The following PCBP3 variants were observed in gnomAD, a reference collection of about 807,000 sequenced individuals.
PCBP3 encodes poly(rC)-binding protein 3.
In PCBP3, 25 loss-of-function variants were observed where a neutral mutation model predicts 52.7. The ratio of observed to expected loss-of-function variants is 0.47; its 90% confidence interval spans 0.35 to 0.66. PCBP3 has a LOEUF of 0.66. Among genes scored for constraint, PCBP3 ranks in the 30% least tolerant of loss-of-function variants. PCBP3 has a pLI of 0.01. For missense variants in PCBP3, 391 were observed against 490.3 expected, an observed-to-expected ratio of 0.80 and a Z score of 1.91; for synonymous variants, 162 against 183.0, an observed-to-expected ratio of 0.89 and a Z score of 0.93.
chr21:45,867,852 C>T (rs963506723), intron 5 of PCBP3, among the ~76,000 whole-genome samples: 1 of 152,292 alleles, frequency 6.6e-6, no homozygotes, highest in African/African-American at 2.4e-5. Context: ...GGACCAGGCT[C>T]ACGCCGTGGA....
chr21:45,706,886 T>C (rs11089019), intron 2 of PCBP3, among the ~76,000 whole-genome samples: 23,511 of 152,230 alleles, frequency 0.15, 2,020 homozygotes, highest in African/African-American at 0.22. Context: ...AATATTTCTC[T>C]CTGCAACTTG....
At chr21:45,671,884 C>T (rs2081196086) in intron 2 of PCBP3, among the ~76,000 whole-genome samples, 1 of 152,066 alleles carries the variant, frequency 6.6e-6, no homozygotes, top group Non-Finnish European at 1.5e-5. Flanking sequence ...CTGATTCTTT[C>T]ACCTTCTATT....
intron 2 of PCBP3, among the ~76,000 whole-genome samples, chr21:45,693,937 T>C (rs1027555936): frequency 2.0e-5 from 3 of 152,124 alleles, no homozygotes; most frequent in Admixed American, 6.5e-5. Flanking sequence ...ATCTATAACA[T>C]GTAAAAATAT....
rs1415364088 is a variant in PCBP3 at position 45,724,715 on chromosome 21, C to A, written c.-199-10677C>A. Among the ~76,000 whole-genome samples the A allele has an allele frequency of 4.6e-5, 7 of 151,720 alleles. No individual in the cohort carries two copies. In the East Asian group the frequency reaches 1.4e-3, roughly 29 times the overall value. On this transcript the variant is annotated intron_variant, in intron 2 of 17. Transcript: ENST00000681687. The surrounding 1 kb of genome is among the most constrained non-coding windows in gnomAD (Gnocchi z 5.3). ...TGGGATCTGAAAGAGAACCCGCCCCCCTCAGCTGGAGTGGCACTCTGTAAC... is the reference window on the plus strand; with the variant it reads ...TGGGATCTGAAAGAGAACCCGCCCCACTCAGCTGGAGTGGCACTCTGTAAC...
rs2093432112 is a variant in PCBP3, at chr21:45,830,958, G to GA, written c.-125-19003_-125-19002insA. On this transcript the variant is annotated intron_variant, in intron 4 of 17. Coordinates refer to ENST00000681687, the MANE Select transcript of PCBP3 (RefSeq NM_001384156.1). This position sits in a 1 kb window ranked among gnomAD's most constrained non-coding sequence, Gnocchi z 4.4. The stretch of plus-strand genomic sequence containing the variant: ...CTCCCGGGCTCTTGGCAGCTTCCCG[G>GA]CCGGCAGCAGTCCCCACGCTGCCCA... 1 of 152,318 alleles carries GA rather than the reference G, an allele frequency of 6.6e-6. No individual in the cohort carries two copies. Among genetic ancestry groups the GA allele is most frequent in the Admixed American group, 6.5e-5 (1 of 15,288 alleles). 9.4% of individuals were successfully genotyped at this position (152,318 alleles called of 1,614,324 possible).
chr21:45,694,263 A>G (rs2082643155), intron 2 of PCBP3, among the ~76,000 whole-genome samples: 1 of 152,192 alleles, frequency 6.6e-6, no homozygotes, highest in Admixed American at 6.5e-5. Context: ...ATGCAAATAG[A>G]TTAAACACTC....
chr21:45,902,144 G>C (rs2096071883), intron 9 of PCBP3, among the ~76,000 whole-genome samples: 1 of 152,200 alleles, frequency 6.6e-6, no homozygotes, highest in Non-Finnish European at 1.5e-5. Flanking sequence ...AGGAGTGTGC[G>C]AGGCCTTTTC....
At chr21:45,689,155 G>T (rs977290436) in intron 2 of PCBP3, among the ~76,000 whole-genome samples, 1 of 151,816 alleles carries the variant, frequency 6.6e-6, no homozygotes, top group Non-Finnish European at 1.5e-5. Context: ...TTTAACTCAG[G>T]ATCATAGATA....
intron 4 of PCBP3, among the ~76,000 whole-genome samples, chr21:45,810,246 G>GTGTGT (rs1569252728): frequency 1.3e-5 from 2 of 149,366 alleles, no homozygotes; most frequent in African/African-American, 2.5e-5. Context: ...GTGTGTGTGT[G>GTGTGT]AGAGAGTGTG....
At chr21:45,820,479 G>A (rs2093100079) in intron 4 of PCBP3, among the ~76,000 whole-genome samples, 1 of 152,256 alleles carries the variant, frequency 6.6e-6, no homozygotes, top group African/African-American at 2.4e-5. Context: ...GATGACCCAG[G>A]TCAGGATAGG....
chr21:45,731,899 A>G (rs989622054), intron 2 of PCBP3, among the ~76,000 whole-genome samples: 2 of 151,064 alleles, frequency 1.3e-5, no homozygotes, highest in South Asian at 2.1e-4. Flanking sequence ...TACATAGTCT[A>G]TTATCTTTGA....
At chr21:45,719,406 G>C (rs201434336) in intron 2 of PCBP3, among the ~76,000 whole-genome samples, 2 of 152,224 alleles carry the variant, frequency 1.3e-5, no homozygotes, top group East Asian at 3.9e-4. Context: ...GTGTGCAGAG[G>C]GTTTTTAGTG....
Position 45,917,382 on chromosome 21 carries a change from C to T in PCBP3, c.676-206C>T. On this transcript the variant is annotated intron_variant, in intron 12 of 17. Transcript: ENST00000681687. This position sits in a 1 kb window ranked among gnomAD's most constrained non-coding sequence, Gnocchi z 5.3. ...CGCTGAACTGGCCAGCTCAGCTCTG[C>T]CCGCCCAGAGGAAGTGGGTGCGGCT... 2.1e-6 allele frequency: 1 copy of T among 477,266 alleles called. No individual in the cohort carries two copies. The highest frequency in any genetic ancestry group is 3.8e-6 in the Non-Finnish European group (1 of 260,692). 29.6% of individuals were successfully genotyped at this position (477,266 alleles called of 1,614,324 possible).
In PCBP3 at chr21:45,853,842, G is replaced by GGTGGCA. The variant is rs1255514648; in HGVS notation, c.10+3755_10+3760dup. ...GGTGTTTTAGAATGGGCTCCTGCGTGGTGGCAGTGGCAGGTGGTGGTGATA... is the reference window on the plus strand; with the variant it reads ...GGTGTTTTAGAATGGGCTCCTGCGTGGTGGCAGTGGCAGTGGCAGGTGGTGGTGATA... On this transcript the variant is annotated intron_variant, in intron 5 of 17. Coordinates refer to ENST00000681687, the MANE Select transcript of PCBP3 (RefSeq NM_001384156.1). This position sits in a 1 kb window ranked among gnomAD's most constrained non-coding sequence, Gnocchi z 4.6. 2 of 152,332 alleles carry GGTGGCA rather than the reference G, an allele frequency of 1.3e-5. No individual in the cohort carries two copies. Among genetic ancestry groups the GGTGGCA allele is most frequent in the African/African-American group, 4.8e-5 (2 of 41,436 alleles). 9.4% of individuals were successfully genotyped at this position (152,332 alleles called of 1,614,324 possible).
chr21:45,803,274 T>C (rs1190712630), intron 4 of PCBP3, among the ~76,000 whole-genome samples: 4 of 152,224 alleles, frequency 2.6e-5, no homozygotes, highest in Non-Finnish European at 5.9e-5. Flanking sequence ...CAGCTGGCCA[T>C]GCTTTAAAAT....
chr21:45,663,747 T>C (rs763666840), intron 1 of PCBP3, among the ~76,000 whole-genome samples: 2 of 152,194 alleles, frequency 1.3e-5, no homozygotes, highest in Non-Finnish European at 2.9e-5. Flanking sequence ...TCTCTTTTAA[T>C]ACCAGTACCA....
chr21:45,696,747 C>T (rs1051356577), intron 2 of PCBP3, among the ~76,000 whole-genome samples: 12 of 151,312 alleles, frequency 7.9e-5, no homozygotes, highest in African/African-American at 1.2e-4. Context: ...GCCGAGATTG[C>T]GCCATTGCAT....
chr21:45,807,262 A>G (rs1357445175), intron 4 of PCBP3, among the ~76,000 whole-genome samples: 5 of 152,246 alleles, frequency 3.3e-5, no homozygotes, highest in Non-Finnish European at 5.9e-5. Context: ...CTGTTTGCAG[A>G]TGACATGATT....
intron 1 of PCBP3, among the ~76,000 whole-genome samples, chr21:45,668,097 A>AT (rs2080925603): frequency 6.6e-6 from 1 of 152,136 alleles, no homozygotes; most frequent in Admixed American, 6.5e-5. Flanking sequence ...CAGAGTCTCA[A>AT]TGTCAGCTCA....
Sources: gnomAD v4.1 joint callset for allele counts (sites outside exome capture counted in the v4.1 genomes callset) on GRCh38, gnomAD v4.1.1 for gene constraint, Gnocchi (gnomAD v3.1) non-coding constraint, MANE v1.5 for transcripts, NCBI Gene and HGNC (gene_info 2026-07-23, HGNC 2026-07-21) for gene names.